The following MET variants were observed in gnomAD, a reference collection of about 807,000 sequenced individuals.
MET encodes MET proto-oncogene, receptor tyrosine kinase, also known as hepatocyte growth factor receptor.
MET carries 48 observed loss-of-function variants against 133.1 expected under a neutral mutation model. The ratio of observed to expected loss-of-function variants is 0.36; its 90% confidence interval spans 0.29 to 0.46. The LOEUF is 0.46. Ranked by LOEUF, MET falls within the 20% of genes least tolerant of loss-of-function variation. The pLI, the probability that MET is intolerant of heterozygous loss-of-function variation, is 1.00. For missense variants in MET, 1,442 were observed against 1,695.9 expected, an observed-to-expected ratio of 0.85 and a Z score of 2.63; for synonymous variants, 628 against 616.5, an observed-to-expected ratio of 1.02 and a Z score of -0.28.
rs373107131 is a variant in MET at position 116,737,649 on chromosome 7, T to C, written c.1393-2301T>C. 1.9e-3 allele frequency among the ~76,000 whole-genome samples: 283 copies of C among 152,304 alleles called. 11 individuals carry two copies. The South Asian group carries it at 0.054, about 29-fold the overall frequency. On this transcript the variant is annotated intron_variant, in intron 3 of 20. Transcript: ENST00000397752. ...TTGTGAGGAGTAAATAAAATCTCCATTTAAAGCACTTGGCACAATATGTGA... is the reference window on the plus strand; with the variant it reads ...TTGTGAGGAGTAAATAAAATCTCCACTTAAAGCACTTGGCACAATATGTGA...
At chr7:116,737,674 A>G (rs969864705) in intron 3 of MET, among the ~76,000 whole-genome samples, 1 of 152,180 alleles carries the variant, frequency 6.6e-6, no homozygotes, top group Admixed American at 6.5e-5. Context: ...ACAATATGTG[A>G]CTCAGTTTCC....
Position 116,731,671 on chromosome 7 carries a change from C to T in MET, c.1204C>T (p.Leu402Phe). The T allele has an allele frequency of 6.2e-7, 1 of 1,614,092 alleles. No individual in the cohort carries two copies. The highest frequency in any genetic ancestry group is 8.5e-7 in the Non-Finnish European group (1 of 1,179,948). ...CTATGACCATATTTTATTCCAGACA[C>T]TTCTGAGAAATTCATCAGGCTGTGA... is the stretch of plus-strand genomic sequence containing the variant. ...PNHEHCFNRT[L>F]LRNSSGCEAR... The change falls in exon 3 of 21, where the codon CTT becomes TTT. Residue 402 changes from leucine (L) to phenylalanine (F), a missense_variant. Coordinates refer to ENST00000397752, the MANE Select transcript of MET (RefSeq NM_000245.4).
At chr7:116,759,524 T>C in intron 10 of MET, 34 bp downstream of exon 10, 1 of 1,601,520 alleles carries the variant, frequency 6.2e-7, no homozygotes, top group South Asian at 1.1e-5. Context: ...TACTCAGAGC[T>C]CTGCATCTTT....
chr7:116,760,796 C>T (rs1794371973), intron 10 of MET, among the ~76,000 whole-genome samples: 1 of 152,146 alleles, frequency 6.6e-6, no homozygotes, highest in Non-Finnish European at 1.5e-5. Flanking sequence ...AGATTTTTAT[C>T]ATATTCCTGA....
intron 7 of MET, 49 bp from the exon 8 acceptor site, chr7:116,757,589 A>C: frequency 1.2e-6 from 2 of 1,613,220 alleles, no homozygotes; most frequent in Non-Finnish European, 1.7e-6. Flanking sequence ...AATCTATTTA[A>C]ATTATAAGAT....
chr7:116,728,662 G>T (rs1243233537), intron 2 of MET, among the ~76,000 whole-genome samples: 1 of 152,160 alleles, frequency 6.6e-6, no homozygotes, highest in African/African-American at 2.4e-5. Context: ...TGGTGACTTT[G>T]CAGATGCACT....
At chr7:116,734,266 A>G (rs977678396) in intron 3 of MET, among the ~76,000 whole-genome samples, 6 of 152,222 alleles carry the variant, frequency 3.9e-5, no homozygotes, top group African/African-American at 1.4e-4. Flanking sequence ...ACAAAAGGGA[A>G]CAGAAAGATG....
chr7:116,766,265 T>C (rs1794624446), intron 11 of MET, among the ~76,000 whole-genome samples: 1 of 152,178 alleles, frequency 6.6e-6, no homozygotes, highest in African/African-American at 2.4e-5. Context: ...CTGCAGCATA[T>C]AGGAACATAT....
chr7:116,759,274 A>T (rs2116935994), intron 9 of MET, 117 bp from the exon 10 acceptor site: 1 of 1,465,700 alleles, frequency 6.8e-7, no homozygotes, highest in Admixed American at 2.1e-5. Flanking sequence ...CTTCCATTTG[A>T]TGTTGACTGT....
chr7:116,761,832 A>C (rs1378666021), intron 10 of MET, among the ~76,000 whole-genome samples: 32 of 152,148 alleles, frequency 2.1e-4, no homozygotes, highest in Non-Finnish European at 7.4e-5. Flanking sequence ...TTTTAATGTA[A>C]GATCATTTTT....
intron 12 of MET, 38 bp from the exon 13 acceptor site, chr7:116,771,460 T>G: frequency 1.2e-6 from 2 of 1,612,784 alleles, no homozygotes; most frequent in Non-Finnish European, 1.7e-6. Flanking sequence ...ATATCTATCA[T>G]GGCTAAATGC....
Position 116,757,548 on chromosome 7 carries a change from G to GAA in MET, c.1965+10_1965+11insAA, listed in dbSNP as rs754083112. The GAA allele has an allele frequency of 3.3e-5, 53 of 1,613,022 alleles. No individual in the cohort carries two copies. The South Asian group carries it at 5.7e-4, about 17-fold the overall frequency. On this transcript the variant is annotated intron_variant, in intron 7 of 20. Transcript: ENST00000397752. Reference sequence around the variant, plus strand: ...GTACATTCTCCTATGTGGTAAGGAAGATTCTATCCTATCATGTTTGATTTT... The same window carrying GAA: ...GTACATTCTCCTATGTGGTAAGGAAGAAATTCTATCCTATCATGTTTGATTTT...
intron 8 of MET, 80 bp downstream of exon 8, chr7:116,757,854 G>C (rs1256274602): frequency 6.8e-7 from 1 of 1,471,022 alleles, no homozygotes; most frequent in Non-Finnish European, 9.5e-7. Flanking sequence ...ATTGTTTTGT[G>C]TGTGTGTGTG....
chr7:116,674,636 ATT>A (rs1467932717), intron 1 of MET, among the ~76,000 whole-genome samples: 4 of 152,154 alleles, frequency 2.6e-5, no homozygotes, highest in Non-Finnish European at 5.9e-5. Context: ...TAACTGGCTT[ATT>A]TTCTCCAAGT....
chr7:116,786,994 G>A (rs550696561), intron 19 of MET, among the ~76,000 whole-genome samples: 3 of 152,312 alleles, frequency 2.0e-5, no homozygotes, highest in South Asian at 4.2e-4. Flanking sequence ...GTTCCTGTGA[G>A]GAGGTAGGGG....
intron 19 of MET, among the ~76,000 whole-genome samples, chr7:116,794,584 CCTT>C (rs1350860464): frequency 1.3e-5 from 2 of 152,212 alleles, no homozygotes. Context: ...GCTTTATTCT[CCTT>C]CTTGCTGGGT....
rs765332671 is a variant in MET, at chr7:116,796,041, C to T, written c.4090C>T (p.Pro1364Ser). The change falls in exon 21 of 21, where the codon CCG becomes TCG. Residue 1364 changes from proline to serine, a missense_variant. Pro to Ser is a moderately conservative substitution (Grantham distance 74). Transcript: ENST00000397752. ...ATYVNVKCVA[P>S]YPSLLSSEDN... ...TTATGTGAACGTAAAATGTGTCGCT[C>T]CGTATCCTTCTCTGTTGTCATCAGA... The T allele has an allele frequency of 1.9e-5, 30 of 1,613,854 alleles. No individual in the cohort carries two copies. The highest frequency in any genetic ancestry group is 2.5e-5 in the Non-Finnish European group (29 of 1,179,926).
chr7:116,780,270 G>A (rs753752972), intron 17 of MET, among the ~76,000 whole-genome samples: 1 of 151,914 alleles, frequency 6.6e-6, no homozygotes, highest in Non-Finnish European at 1.5e-5. Flanking sequence ...GCTCCGTCTC[G>A]GTTCCTGCTC....
At chr7:116,678,120 T>TA (rs1371876837) in intron 1 of MET, among the ~76,000 whole-genome samples, 1 of 152,186 alleles carries the variant, frequency 6.6e-6, no homozygotes, top group Non-Finnish European at 1.5e-5. Context: ...AGATCAGTGT[T>TA]AAAATCTATT....
Sources: gnomAD v4.1 joint callset for allele counts (sites outside exome capture counted in the v4.1 genomes callset) on GRCh38, gnomAD v4.1.1 for gene constraint, MANE v1.5 for transcripts, NCBI Gene and HGNC (gene_info 2026-07-23, HGNC 2026-07-21) for gene names.